TMEM38B: variants seen among roughly 807,000 people sequenced by gnomAD.
TMEM38B encodes the protein transmembrane protein 38B.
In TMEM38B, 24 loss-of-function variants were observed where a neutral mutation model predicts 28.7. The observed-to-expected ratio is 0.84, with a 90% CI of 0.61 to 1.18. The LOEUF (loss-of-function observed/expected upper bound fraction) is 1.18, where lower values mean the gene tolerates loss of function less well. Among genes scored for constraint, TMEM38B ranks in the 50% most tolerant of loss-of-function variants. The probability of loss-of-function intolerance (pLI) is 0.00; values close to 1 mark genes in which losing one functional copy is unlikely to be tolerated. For missense variants in TMEM38B, 380 were observed against 350.9 expected (o/e 1.08, Z -0.66); for synonymous variants, 131 against 127.7 (o/e 1.03, Z -0.17).
intron 5 of TMEM38B, among the ~76,000 whole-genome samples, chr9:105,754,914 A>G (rs1202196837): frequency 6.6e-6 from 1 of 152,194 alleles, no homozygotes; most frequent in Non-Finnish European, 1.5e-5. Context: ...AAATAAACAC[A>G]ATCAGAAATG....
chr9:105,699,276 T>G (rs1466050944), intron 1 of TMEM38B, among the ~76,000 whole-genome samples: 1 of 152,166 alleles, frequency 6.6e-6, no homozygotes, highest in African/African-American at 2.4e-5. Flanking sequence ...AGATTTTTAC[T>G]TAGAATATGT....
At chr9:105,741,785 C>T (rs908684825) in intron 4 of TMEM38B, among the ~76,000 whole-genome samples, 1 of 152,060 alleles carries the variant, frequency 6.6e-6, no homozygotes, top group Non-Finnish European at 1.5e-5. Flanking sequence ...CAAATAAAAC[C>T]CCTCAAAACC....
In TMEM38B at chr9:105,694,634, C is replaced by T. The variant is rs562019930; in HGVS notation, c.-27C>T. 1.9e-6 allele frequency: 3 copies of T among 1,598,132 alleles called. No homozygotes were observed. Among genetic ancestry groups the T allele is most frequent in the East Asian group, 2.2e-5 (1 of 44,666 alleles). On this transcript the variant is annotated 5_prime_UTR_variant, in exon 1 of 6. Transcript: ENST00000374692. ...CGCGGGGAACCAGTAGCCGCGGCTG[C>T]TTCGGTTGCCGCGGTCGGTGGTCGT...
intron 4 of TMEM38B, among the ~76,000 whole-genome samples, chr9:105,730,922 C>G (rs987428882): frequency 6.6e-6 from 1 of 152,116 alleles, no homozygotes; most frequent in African/African-American, 2.4e-5. Context: ...TCCCCTTTAT[C>G]ATTTTTTATT....
At chr9:105,744,932 G>T (rs1386065630) in intron 4 of TMEM38B, among the ~76,000 whole-genome samples, 2 of 152,078 alleles carry the variant, frequency 1.3e-5, no homozygotes, top group African/African-American at 4.8e-5. Flanking sequence ...ATTTTTTATG[G>T]CTGCATAGTA....
chr9:105,742,725 A>G (rs1284161695), intron 4 of TMEM38B, among the ~76,000 whole-genome samples: 1 of 152,208 alleles, frequency 6.6e-6, no homozygotes, highest in African/African-American at 2.4e-5. Context: ...GTAGATGTGT[A>G]TGCCAAGGTG....
intron 4 of TMEM38B, among the ~76,000 whole-genome samples, chr9:105,729,414 G>T (rs147312819): frequency 0.013 from 1,950 of 152,186 alleles, 22 homozygotes; most frequent in Middle Eastern, 0.02. Flanking sequence ...TATCTCTAAG[G>T]TCTCTGTTCT....
intron 5 of TMEM38B, chr9:105,758,555 GA>G: frequency 8.1e-7 from 1 of 1,230,036 alleles, no homozygotes; most frequent in Non-Finnish European, 1.2e-6. Flanking sequence ...AACTGTTGAG[GA>G]AATTTCTTAA....
chr9:105,720,943 A>G (rs1014786221), intron 2 of TMEM38B, among the ~76,000 whole-genome samples: 8 of 152,186 alleles, frequency 5.3e-5, no homozygotes, highest in African/African-American at 1.2e-4. Context: ...AAGCTTAGTG[A>G]ACTAAATTAA....
chr9:105,730,976 C>A lies in TMEM38B; in HGVS notation c.542+8355C>A, dbSNP rs534834269. Among the ~76,000 whole-genome samples the A allele has an allele frequency of 2.8e-4, 43 of 152,122 alleles. No individual in the cohort carries two copies. In the South Asian group the frequency reaches 8.9e-3, roughly 32 times the overall value. ...TCTCTTTTCTTCTTTATTAGTCTTGCTAGCCATCTATCTATTTTGTTATCT... is the reference window on the plus strand; with the variant it reads ...TCTCTTTTCTTCTTTATTAGTCTTGATAGCCATCTATCTATTTTGTTATCT... On this transcript the variant is annotated intron_variant, in intron 4 of 5. Transcript: ENST00000374692.
intron 5 of TMEM38B, chr9:105,749,365 C>A: frequency 5.1e-6 from 1 of 194,368 alleles, no homozygotes; most frequent in South Asian, 8.1e-5. Flanking sequence ...GGAGCAAAGG[C>A]ACATCTTACA....
intron 2 of TMEM38B, 143 bp downstream of exon 2, chr9:105,705,896 T>A: frequency 2.6e-5 from 19 of 733,294 alleles, no homozygotes; most frequent in Non-Finnish European, 3.5e-5. Context: ...CAAATAATGC[T>A]AAGGGGTTTT....
chr9:105,756,195 A>G (rs952649382), intron 5 of TMEM38B, among the ~76,000 whole-genome samples: 10 of 152,172 alleles, frequency 6.6e-5, no homozygotes, highest in African/African-American at 2.4e-4. Flanking sequence ...ATTCCTTAGG[A>G]TTTTCTATAT....
chr9:105,749,165 A>G (rs1032301766), intron 5 of TMEM38B: 5 of 1,229,852 alleles, frequency 4.1e-6, no homozygotes, highest in Admixed American at 2.6e-5. Flanking sequence ...CCAGTCCTCA[A>G]ATGTTGAGCC....
intron 1 of TMEM38B, chr9:105,701,250 T>G (rs1199105238): frequency 6.6e-6 from 1 of 152,196 alleles, no homozygotes; most frequent in Non-Finnish European, 1.5e-5. Context: ...TCCTACTTTC[T>G]GGTTTGCATA....
At chr9:105,733,421 C>A (rs76685333) in intron 4 of TMEM38B, among the ~76,000 whole-genome samples, 11 of 127,854 alleles carry the variant, frequency 8.6e-5, no homozygotes, top group African/African-American at 3.1e-4. Context: ...TTTCTTTTTT[C>A]TTTTTTTTTT....
At chr9:105,723,720 G>A (rs1836411098) in intron 4 of TMEM38B, among the ~76,000 whole-genome samples, 1 of 152,000 alleles carries the variant, frequency 6.6e-6, no homozygotes, top group Non-Finnish European at 1.5e-5. Context: ...TTGTAGAGAT[G>A]GGGTCTTGCT....
chr9:105,761,540 T>A (rs10739213), intron 5 of TMEM38B, among the ~76,000 whole-genome samples: 31,875 of 152,064 alleles, frequency 0.21, 5,211 homozygotes, highest in East Asian at 0.46. Flanking sequence ...TAATCTCTTC[T>A]GTAAGGTATT....
In TMEM38B at chr9:105,731,058, A is replaced by G. The variant is rs186243127; in HGVS notation, c.542+8437A>G. On this transcript the variant is annotated intron_variant, in intron 4 of 5. Coordinates refer to ENST00000374692, the MANE Select transcript of TMEM38B (RefSeq NM_018112.3). ...TTTTTGAAGGGTTTTTTGTGTCTCT[A>G]TCTCCTTCAGTTCTGCATTGATCTT... Among the ~76,000 whole-genome samples the G allele has an allele frequency of 1.4e-3, 207 of 151,774 alleles. 1 individual carries two copies. The highest frequency in any genetic ancestry group is 1.6e-3 in the Non-Finnish European group (109 of 67,916).
Sources: allele counts gnomAD v4.1 joint callset (sites outside exome capture counted in the v4.1 genomes callset), GRCh38; gene constraint gnomAD v4.1.1; transcripts MANE v1.5; gene names NCBI Gene and HGNC (gene_info 2026-07-23, HGNC 2026-07-21).